The following WBP4 variants were observed in gnomAD, a reference collection of about 807,000 sequenced individuals.
WBP4 encodes WW domain binding protein 4, also known as WW domain-binding protein 4.
WBP4 carries 37 observed loss-of-function variants against 55.4 expected under a neutral mutation model. The observed-to-expected ratio is 0.67, with a 90% CI of 0.51 to 0.88. The LOEUF is 0.88. WBP4 is among the 40% of genes least tolerant of loss of function. The pLI, the probability that WBP4 is intolerant of heterozygous loss-of-function variation, is 0.00. For missense variants in WBP4, 398 were observed against 420.8 expected (o/e 0.95, Z 0.47); for synonymous variants, 142 against 140.2 (o/e 1.01, Z -0.09).
intron 5 of WBP4, 25 bp downstream of exon 5, chr13:41,068,762 G>A (rs547523541): frequency 2.0e-6 from 3 of 1,530,016 alleles, no homozygotes; most frequent in South Asian, 2.6e-5. Context: ...CATAAAACTG[G>A]TAAAGAACAG....
At chr13:41,077,295 C>T (rs188801339) in intron 8 of WBP4, among the ~76,000 whole-genome samples, 10 of 152,146 alleles carry the variant, frequency 6.6e-5, no homozygotes. Context: ...GCAAACTAGG[C>T]ACAGAAGAAA....
At chr13:41,070,484 A>G (rs1235241806) in intron 5 of WBP4, among the ~76,000 whole-genome samples, 1 of 151,898 alleles carries the variant, frequency 6.6e-6, no homozygotes, top group Non-Finnish European at 1.5e-5. Flanking sequence ...GAGCCATCTT[A>G]TGGAGGGCTG....
chr13:41,072,783 C>A lies in WBP4; in HGVS notation c.488C>A (p.Thr163Lys), dbSNP rs760518092. ...GCTGGGTTTTTTTCCTCCTATTAGA[C>A]AGCAGTGAAGACCGTTTGGGTAGAA... ...PEGFQGDLKK[T>K]AVKTVWVEGL... The change falls in exon 7 of 10, where the codon ACA (threonine) becomes AAA (lysine). Residue 163 changes from threonine (T) to lysine (K), a missense_variant and splice_region_variant. Coordinates refer to ENST00000379487, the MANE Select transcript of WBP4 (RefSeq NM_007187.5). 1.2e-6 allele frequency: 2 copies of A among 1,613,052 alleles called. No individual in the cohort carries two copies. The highest frequency in any genetic ancestry group is 1.7e-4 in the Middle Eastern group (1 of 6,058).
At chr13:41,061,977 G>C (rs947713957) in intron 1 of WBP4, 7 of 919,590 alleles carry the variant, frequency 7.6e-6, no homozygotes, top group Non-Finnish European at 9.1e-6. Context: ...CGACGCTGTC[G>C]GGGGTCGCAT....
chr13:41,065,964 T>G (rs1426169325), intron 4 of WBP4, among the ~76,000 whole-genome samples: 4 of 152,222 alleles, frequency 2.6e-5, no homozygotes, highest in Non-Finnish European at 5.9e-5. Flanking sequence ...CATGTGATGG[T>G]ATTCCTCTAA....
intron 6 of WBP4, 60 bp downstream of exon 6, chr13:41,071,633 G>T: frequency 6.7e-7 from 1 of 1,493,190 alleles, no homozygotes; most frequent in South Asian, 1.3e-5. Flanking sequence ...CGTTTCTTAG[G>T]TTTTTGTAGA....
chr13:41,067,191 C>G (rs1469619838), intron 4 of WBP4, among the ~76,000 whole-genome samples: 1 of 152,056 alleles, frequency 6.6e-6, no homozygotes, highest in Non-Finnish European at 1.5e-5. Flanking sequence ...TGGCCTCAAG[C>G]AATCCACCTG....
chr13:41,062,735 T>C lies in WBP4; in HGVS notation c.75+19T>C. 6.3e-7 allele frequency: 1 copy of C among 1,592,608 alleles called. No homozygotes were observed. Among genetic ancestry groups the C allele is most frequent in the Non-Finnish European group, 8.6e-7 (1 of 1,167,298 alleles). On this transcript the variant is annotated intron_variant, in intron 2 of 9. Coordinates refer to ENST00000379487, the MANE Select transcript of WBP4 (RefSeq NM_007187.5). ...TAGGCCTGTATGATAATTCCGCTGT[T>C]AGAGATTCTAATAATAATTGTGTTG...
intron 6 of WBP4, 106 bp downstream of exon 6, chr13:41,071,679 TC>T (rs1478777706): frequency 1.0e-6 from 1 of 986,470 alleles, no homozygotes; most frequent in Non-Finnish European, 1.5e-6. Flanking sequence ...AATACTCCAC[TC>T]CCTCCACCCC....
intron 8 of WBP4, among the ~76,000 whole-genome samples, chr13:41,080,154 C>A (rs1878704325): frequency 1.3e-5 from 2 of 152,138 alleles, no homozygotes. Context: ...CCGTACTTCA[C>A]CATGACATAA....
At chr13:41,067,228 A>G (rs1249821419) in intron 4 of WBP4, among the ~76,000 whole-genome samples, 1 of 152,200 alleles carries the variant, frequency 6.6e-6, no homozygotes. Context: ...TGCTGGGATT[A>G]CAAGCGTGAG....
intron 4 of WBP4, among the ~76,000 whole-genome samples, chr13:41,066,082 T>G (rs1306965115): frequency 1.3e-5 from 2 of 152,164 alleles, no homozygotes. Context: ...TCCTGGACAT[T>G]GGTAATTAAA....
At chr13:41,070,031 A>G (rs1878171092) in intron 5 of WBP4, among the ~76,000 whole-genome samples, 2 of 152,208 alleles carry the variant, frequency 1.3e-5, no homozygotes, top group Non-Finnish European at 2.9e-5. Flanking sequence ...TTCTACATTT[A>G]TGTAGCATCT....
At chr13:41,072,674 A>T in intron 6 of WBP4, 108 bp from the exon 7 acceptor site, 1 of 857,334 alleles carries the variant, frequency 1.2e-6, no homozygotes, top group Admixed American at 2.4e-5. Context: ...GATCGAGATG[A>T]TATCACCAGG....
intron 5 of WBP4, among the ~76,000 whole-genome samples, chr13:41,069,882 AAAAAAAAAAAG>A (rs752047779): frequency 3.1e-3 from 474 of 151,810 alleles, no homozygotes; most frequent in South Asian, 5.8e-3. Flanking sequence ...CCATCTCAAA[AAAAAAAAAAAG>A]AAAAAAAAAA....
chr13:41,081,964 G>A (rs1878799593), intron 9 of WBP4, among the ~76,000 whole-genome samples: 2 of 152,238 alleles, frequency 1.3e-5, no homozygotes, highest in African/African-American at 4.8e-5. Flanking sequence ...AGATGGGACT[G>A]ATGGGTGTGA....
intron 5 of WBP4, among the ~76,000 whole-genome samples, chr13:41,069,728 AGT>A (rs1878147061): frequency 7.7e-6 from 1 of 129,282 alleles, no homozygotes; most frequent in Non-Finnish European, 1.7e-5. Flanking sequence ...AAAAAAAAAA[AGT>A]AGCCAAGCGA....
rs1314945385 is a variant in WBP4 at position 41,082,815 on chromosome 13, T to A, written c.1032T>A (p.Ser344=). The A allele has an allele frequency of 2.5e-6, 4 of 1,614,028 alleles. No individual in the cohort carries two copies. The highest frequency in any genetic ancestry group is 3.4e-6 in the Non-Finnish European group (4 of 1,180,032). The change falls in exon 10 of 10, where the codon TCT becomes TCA. Residue 344 remains serine, a synonymous_variant. Transcript: ENST00000379487. The part of the protein sequence containing the change: ...KVVFKEKTVT[S]LGVMADGVAP... ...TATTTAAAGAAAAAACAGTCACTTCTCTTGGAGTTATGGCAGATGGAGTGG... is the reference window on the plus strand; with the variant it reads ...TATTTAAAGAAAAAACAGTCACTTCACTTGGAGTTATGGCAGATGGAGTGG...
intron 4 of WBP4, among the ~76,000 whole-genome samples, chr13:41,068,166 A>AATGATCT (rs1878062561): frequency 2.0e-5 from 3 of 152,296 alleles, no homozygotes; most frequent in African/African-American, 7.2e-5. Flanking sequence ...CGTTGTACCC[A>AATGATCT]GTAGGTAATT....
Sources: gnomAD v4.1 joint callset for allele counts (sites outside exome capture counted in the v4.1 genomes callset) on GRCh38, gnomAD v4.1.1 for gene constraint, MANE v1.5 for transcripts, NCBI Gene and HGNC (gene_info 2026-07-23, HGNC 2026-07-21) for gene names.